Variants in DAB1 observed in about 807,000 individuals in gnomAD.
DAB1 encodes disabled homolog 1.
In DAB1, 15 loss-of-function variants were observed where a neutral mutation model predicts 64.6. The ratio of observed to expected loss-of-function variants is 0.23; its 90% CI spans 0.16 to 0.36. The LOEUF is 0.36. DAB1 is among the 10% of genes least tolerant of loss of function. DAB1 has a pLI of 1.00. For synonymous variants in DAB1, 235 were observed against 251.9 expected, an observed-to-expected ratio of 0.93 and a Z score of 0.64; for missense variants, 596 against 706.7, an observed-to-expected ratio of 0.84 and a Z score of 1.78.
intron 4 of DAB1, among the ~76,000 whole-genome samples, chr1:58,176,090 G>T (rs1463763589): frequency 6.6e-6 from 1 of 152,166 alleles, no homozygotes; most frequent in Non-Finnish European, 1.5e-5. Flanking sequence ...TGTACACAGA[G>T]CCACATATAA....
chr1:58,224,583 C>T (rs1226826234), intron 4 of DAB1, among the ~76,000 whole-genome samples: 4 of 152,050 alleles, frequency 2.6e-5, no homozygotes, highest in Non-Finnish European at 2.9e-5. Context: ...AGAAATGCCA[C>T]GGGACATGTT....
chr1:58,286,635 C>A (rs1037390612), intron 4 of DAB1, among the ~76,000 whole-genome samples: 1 of 152,070 alleles, frequency 6.6e-6, no homozygotes, highest in African/African-American at 2.4e-5. Context: ...CTCACACCAG[C>A]CAAAATGGCA....
At chr1:57,322,846 A>T (rs1675832285) in intron 1 of DAB1, among the ~76,000 whole-genome samples, 1 of 152,182 alleles carries the variant, frequency 6.6e-6, no homozygotes, top group Non-Finnish European at 1.5e-5. Flanking sequence ...ACCACCTGGA[A>T]AGCTTTTAAT....
chr1:57,757,124 T>C (rs540942246), intron 6 of DAB1, among the ~76,000 whole-genome samples: 18 of 151,912 alleles, frequency 1.2e-4, no homozygotes, highest in African/African-American at 3.4e-4. Flanking sequence ...TCTGATTCTA[T>C]AGGTTTGGAG....
At chr1:58,516,834 C>A (rs1646164914) in intron 2 of DAB1, among the ~76,000 whole-genome samples, 1 of 152,132 alleles carries the variant, frequency 6.6e-6, no homozygotes, top group African/African-American at 2.4e-5. Flanking sequence ...ACAGAGATAA[C>A]TACAGCTGCC....
At chr1:58,386,297 A>G (rs1248204865) in intron 3 of DAB1, among the ~76,000 whole-genome samples, 1 of 152,184 alleles carries the variant, frequency 6.6e-6, no homozygotes, top group African/African-American at 2.4e-5. Flanking sequence ...GGGAAAATGT[A>G]TGAATAGTTT....
intron 3 of DAB1, among the ~76,000 whole-genome samples, chr1:58,356,091 A>G (rs1644108242): frequency 2.0e-5 from 3 of 152,172 alleles, no homozygotes; most frequent in Non-Finnish European, 4.4e-5. Context: ...CTTTGTGCAA[A>G]TAGGTGGAGA....
intron 1 of DAB1, among the ~76,000 whole-genome samples, chr1:57,324,938 C>T (rs1341564738): frequency 6.6e-6 from 1 of 152,368 alleles, no homozygotes; most frequent in East Asian, 1.9e-4. Flanking sequence ...TCCCTGAGAA[C>T]TGCTCAAGAG....
chr1:58,255,426 TTCTCTC>T lies in DAB1; in HGVS notation n.309+87920_309+87925del, dbSNP rs66613225. ...GTGAACTCTCTTGCTTGCTTGTTCA[TTCTCTC>T]TCTCTCTCTCTCTCTCTCTCCTTCT... On this transcript the variant is annotated intron_variant and non_coding_transcript_variant, in intron 4 of 20. Coordinates refer to the DAB1 transcript ENST00000485760. Among the ~76,000 whole-genome samples the T allele has an allele frequency of 1.4e-4, 21 of 149,092 alleles. 1 individual carries two copies. The highest frequency in any genetic ancestry group is 2.0e-4 in the African/African-American group (8 of 40,476).
chr1:58,071,363 G>GTGTGT (rs1649237170), intron 5 of DAB1, among the ~76,000 whole-genome samples: 1 of 135,666 alleles, frequency 7.4e-6, no homozygotes, highest in Non-Finnish European at 1.6e-5. Flanking sequence ...AAAGGAGAAT[G>GTGTGT]GTGTGTGTGT....
At chr1:58,153,928 C>A (rs896143752) in intron 4 of DAB1, among the ~76,000 whole-genome samples, 12 of 150,644 alleles carry the variant, frequency 8.0e-5, no homozygotes, top group Non-Finnish European at 1.6e-4. Flanking sequence ...CCCCCCAAAA[C>A]TACTGTACCT....
intron 1 of DAB1, among the ~76,000 whole-genome samples, chr1:57,397,685 A>G (rs1682923582): frequency 6.6e-6 from 1 of 152,210 alleles, no homozygotes; most frequent in Non-Finnish European, 1.5e-5. Flanking sequence ...CTTTTTCTTA[A>G]TGTACAAAAG....
intron 6 of DAB1, among the ~76,000 whole-genome samples, chr1:57,787,889 C>G (rs1384048968): frequency 6.6e-6 from 1 of 151,224 alleles, no homozygotes; most frequent in Non-Finnish European, 1.5e-5. Flanking sequence ...GATGAGAATA[C>G]CAAATAAGCC....
intron 2 of DAB1, among the ~76,000 whole-genome samples, chr1:57,282,201 A>C (rs200360061): frequency 0.019 from 2,016 of 104,492 alleles, 114 homozygotes; most frequent in African/African-American, 0.063. Flanking sequence ...AAAAAAAAAA[A>C]AAAAAAAAAA....
Position 58,084,209 on chromosome 1 carries a change from G to C in DAB1, n.387+66302C>G, listed in dbSNP as rs72906552. Among the ~76,000 whole-genome samples, 1,464 of 152,230 alleles carry C rather than the reference G, an allele frequency of 9.6e-3. 23 individuals are homozygous for C. Among genetic ancestry groups the C allele is most frequent in the African/African-American group, 0.033 (1,370 of 41,528 alleles). On this transcript the variant is annotated intron_variant and non_coding_transcript_variant, in intron 5 of 20. Transcript: ENST00000485760. ...TTGCCCCTCATAGCATTGCTGTGAG[G>C]ATCAAATGAGATGTTTCTGAAACAA...
At chr1:57,296,430 C>T (rs1014785015) in intron 1 of DAB1, among the ~76,000 whole-genome samples, 11 of 152,058 alleles carry the variant, frequency 7.2e-5, no homozygotes, top group African/African-American at 2.4e-4. Flanking sequence ...TTTCTGTTAT[C>T]ATTTTTCAGC....
intron 6 of DAB1, among the ~76,000 whole-genome samples, chr1:57,706,219 T>C (rs1646965389): frequency 6.6e-6 from 1 of 152,076 alleles, no homozygotes; most frequent in African/African-American, 2.4e-5. Flanking sequence ...TTTGTTAATA[T>C]TTACTCTTCC....
chr1:58,083,875 G>C (rs950088693), intron 5 of DAB1, among the ~76,000 whole-genome samples: 1 of 152,192 alleles, frequency 6.6e-6, no homozygotes, highest in African/African-American at 2.4e-5. Flanking sequence ...CATTTGAGCA[G>C]AGACCCGCAT....
chr1:58,450,765 TA>T (rs1333021149), intron 3 of DAB1, among the ~76,000 whole-genome samples: 1 of 151,918 alleles, frequency 6.6e-6, no homozygotes, highest in Non-Finnish European at 1.5e-5. Context: ...AAAAATAAAA[TA>T]AAATAAAATA....
Sources: gnomAD v4.1 joint callset for allele counts (sites outside exome capture counted in the v4.1 genomes callset) on GRCh38, gnomAD v4.1.1 for gene constraint, MANE v1.5 for transcripts, NCBI Gene and HGNC (gene_info 2026-07-23, HGNC 2026-07-21) for gene names.